The following SEH1L variants were observed in gnomAD, a reference collection of about 807,000 sequenced individuals.
SEH1L encodes the protein nucleoporin SEH1.
A neutral mutation model predicts 49.5 loss-of-function variants in SEH1L; 18 were observed. That is an observed-to-expected ratio of 0.36 (90% CI 0.25 to 0.54). The LOEUF (loss-of-function observed/expected upper bound fraction) is 0.54, where lower values mean the gene tolerates loss of function less well. Among genes scored for constraint, SEH1L ranks in the 20% least tolerant of loss-of-function variants. The pLI is 0.87. For synonymous variants in SEH1L, 169 were observed against 178.1 expected (o/e 0.95, Z 0.41); for missense variants, 404 against 528.8 (o/e 0.76, Z 2.31).
intron 1 of SEH1L, chr18:12,948,450 G>A (rs1349031586): frequency 4.7e-6 from 2 of 422,406 alleles, no homozygotes; most frequent in Non-Finnish European, 8.4e-6. Flanking sequence ...CTGCGCAGCT[G>A]GTGCCACGTG....
intron 2 of SEH1L, among the ~76,000 whole-genome samples, 186 bp from the exon 3 acceptor site, chr18:12,955,277 C>T (rs2030782746): frequency 6.6e-6 from 1 of 150,810 alleles, no homozygotes; most frequent in Non-Finnish European, 1.5e-5. Context: ...AAGGTTAAAA[C>T]ATTCTGGAAT....
chr18:12,951,786 A>G, intron 1 of SEH1L, 69 bp from the exon 2 acceptor site: 1 of 895,732 alleles, frequency 1.1e-6, no homozygotes, highest in Non-Finnish European at 1.8e-6. Flanking sequence ...ACACTGATTC[A>G]GTCTTATAGT....
chr18:12,960,650 A>G (rs1229510157), intron 3 of SEH1L, among the ~76,000 whole-genome samples: 1 of 152,206 alleles, frequency 6.6e-6, no homozygotes, highest in Non-Finnish European at 1.5e-5. Flanking sequence ...ATAGAAATTT[A>G]TAGAATTATA....
intron 4 of SEH1L, among the ~76,000 whole-genome samples, chr18:12,970,453 C>T (rs1486456942): frequency 2.6e-5 from 4 of 152,210 alleles, no homozygotes; most frequent in African/African-American, 9.6e-5. Context: ...GAGACTCTCA[C>T]TCTGTTGCCC....
intron 5 of SEH1L, chr18:12,971,608 T>C (rs1047346503): frequency 8.4e-6 from 1 of 119,498 alleles, no homozygotes; most frequent in African/African-American, 3.6e-5. Flanking sequence ...CACTCCAGGC[T>C]GGGCAACAAG....
intron 2 of SEH1L, among the ~76,000 whole-genome samples, chr18:12,952,717 T>C (rs1000069438): frequency 5.9e-5 from 9 of 151,642 alleles, no homozygotes; most frequent in Non-Finnish European, 1.0e-4. Flanking sequence ...ATTTTCTGTC[T>C]CCATAGGTTT....
chr18:12,968,348 T>C (rs1296466760), intron 4 of SEH1L, among the ~76,000 whole-genome samples: 3 of 152,236 alleles, frequency 2.0e-5, no homozygotes, highest in Non-Finnish European at 4.4e-5. Context: ...AGATTTTCCG[T>C]TGAGCACGAT....
chr18:12,955,865 T>C (rs2030819279), intron 3 of SEH1L, among the ~76,000 whole-genome samples: 1 of 152,150 alleles, frequency 6.6e-6, no homozygotes, highest in South Asian at 2.1e-4. Flanking sequence ...GTATTTGATT[T>C]TACCTATTAG....
At chr18:12,967,481 C>T (rs369406847) in intron 4 of SEH1L, among the ~76,000 whole-genome samples, 1 of 152,288 alleles carries the variant, frequency 6.6e-6, no homozygotes, top group Middle Eastern at 3.4e-3. Context: ...ATGTGAAAAA[C>T]GTGAGGCGAA....
Position 12,987,195 on chromosome 18 carries a change from A to G in SEH1L, c.*138A>G. The G allele has an allele frequency of 1.8e-6, 1 of 561,892 alleles. No homozygotes were observed. The highest frequency in any genetic ancestry group is 3.5e-5 in the Admixed American group (1 of 28,448). 34.8% of individuals were successfully genotyped at this position (561,892 alleles called of 1,614,324 possible). On this transcript the variant is annotated 3_prime_UTR_variant, in exon 9 of 9. Transcript: ENST00000399892. Reference sequence around the variant, plus strand: ...CTTGCATGTATTACAACCAGAATACAGTGTTTGGAACCTAAATCTGTTTGT... The same window carrying G: ...CTTGCATGTATTACAACCAGAATACGGTGTTTGGAACCTAAATCTGTTTGT...
chr18:12,986,348 A>G (rs2032456043), intron 8 of SEH1L: 1 of 985,604 alleles, frequency 1.0e-6, no homozygotes, highest in South Asian at 4.7e-5. Flanking sequence ...TTGCAGAAAA[A>G]TAAGTGTTCA....
At chr18:12,971,026 C>G (rs2031676779) in intron 4 of SEH1L, 127 bp from the exon 5 acceptor site, 1 of 647,172 alleles carries the variant, frequency 1.5e-6, no homozygotes, top group African/African-American at 1.8e-5. Flanking sequence ...TGGCAGAGAC[C>G]TAGATTCACT....
At chr18:12,963,862 G>A (rs533458586) in intron 4 of SEH1L, among the ~76,000 whole-genome samples, 2 of 152,296 alleles carry the variant, frequency 1.3e-5, no homozygotes, top group East Asian at 1.9e-4. Flanking sequence ...ACAGGCATGC[G>A]CCACCACGTC....
chr18:12,982,777 A>T (rs2032322904), intron 7 of SEH1L, 102 bp downstream of exon 7: 1 of 890,910 alleles, frequency 1.1e-6, no homozygotes, highest in South Asian at 2.0e-5. Flanking sequence ...GGTCTTTTAC[A>T]GTTACTTTTA....
At position 12,951,880 on chromosome 18, in the gene SEH1L, A is replaced by T. The variant is rs1198887823; in HGVS notation, c.137A>T (p.Asp46Val). Residue 46 changes from aspartate (D) to valine (V), a missense_variant, in exon 2 of 9, where the codon GAT becomes GTT. Physicochemically the swap from Asp to Val is radical, Grantham distance 152. Around this residue, in one of 3 missense-constraint regions of SEH1L, gnomAD observed 57 missense variants for 71.9 expected, o/e 0.79. Transcript: ENST00000399892. ...VKVWDKSESG[D>V]WHCTASWKTH... ...GTCTGGGATAAAAGTGAAAGTGGTG[A>T]TTGGCATTGTACTGCTAGCTGGAAG... 2 of 1,577,172 alleles carry T rather than the reference A, an allele frequency of 1.3e-6. No homozygotes were observed. Among genetic ancestry groups the T allele is most frequent in the African/African-American group, 1.4e-5 (1 of 73,746 alleles).
intron 5 of SEH1L, chr18:12,977,578 G>T (rs1448595783): frequency 6.6e-6 from 1 of 151,990 alleles, no homozygotes; most frequent in Admixed American, 6.6e-5. Context: ...TACAAAATTA[G>T]CCAGGCGTAG....
chr18:12,951,849 T>TTATA lies in SEH1L; in HGVS notation c.112-5_112-2dup, dbSNP rs1262283732. ...TATAAAATATCTGCCTTTTATTTTC[T>TTATA]TATAGGTCTGGGATAAAAGTGAAAG... On this transcript the variant is annotated splice_polypyrimidine_tract_variant and splice_region_variant and intron_variant, in intron 1 of 8. Transcript: ENST00000399892. 1 of 1,555,138 alleles carries TTATA rather than the reference T, an allele frequency of 6.4e-7. No individual in the cohort carries two copies.
intron 4 of SEH1L, among the ~76,000 whole-genome samples, chr18:12,966,891 T>G (rs778858196): frequency 6.6e-6 from 1 of 152,206 alleles, no homozygotes; most frequent in East Asian, 1.9e-4. Context: ...TAGTACTCCA[T>G]CTCCCAGATC....
chr18:12,986,803 GT>G lies in SEH1L; in HGVS notation c.1071-49del, dbSNP rs11480632. The G allele has an allele frequency of 4.2e-4, 471 of 1,131,346 alleles. 1 individual carries two copies. Among genetic ancestry groups the G allele is most frequent in the Non-Finnish European group, 4.9e-4 (440 of 896,616 alleles). 70.1% of individuals were successfully genotyped at this position (1,131,346 alleles called of 1,614,324 possible). ...TTTACTACTTTTCTCTTTTTCTTGT[GT>G]TTTTTTTTTCCTGTTTTTGTTTTGT... is the stretch of plus-strand genomic sequence containing the variant. On this transcript the variant is annotated intron_variant, in intron 8 of 8. Transcript: ENST00000399892.
Sources: allele counts gnomAD v4.1 joint callset (sites outside exome capture counted in the v4.1 genomes callset), GRCh38; gene constraint gnomAD v4.1.1; regional missense constraint gnomAD v4.1.1; transcripts MANE v1.5; gene names NCBI Gene and HGNC (gene_info 2026-07-23, HGNC 2026-07-21).